The following MDN1 variants were observed in gnomAD, a reference collection of about 807,000 sequenced individuals.
MDN1 encodes midasin AAA ATPase 1.
In MDN1, 266 loss-of-function variants were observed where a neutral mutation model predicts 669.2. That is an observed-to-expected ratio of 0.40 (90% CI 0.36 to 0.44). The LOEUF is 0.44. Among genes scored for constraint, MDN1 ranks in the 20% least tolerant of loss-of-function variants. MDN1 has a pLI of 1.00. For missense variants in MDN1, 5,940 were observed against 6,754.0 expected (o/e 0.88, Z 4.22); for synonymous variants, 2,385 against 2,457.1 (o/e 0.97, Z 0.87).
At chr6:89,679,910 C>G (rs1296173774) in intron 74 of MDN1, among the ~76,000 whole-genome samples, 1 of 152,188 alleles carries the variant, frequency 6.6e-6, no homozygotes, top group Admixed American at 6.5e-5. Context: ...CACTCACCCC[C>G]ACCCCTAGGC....
chr6:89,751,578 A>G lies in MDN1; in HGVS notation c.3080T>C (p.Ile1027Thr), dbSNP rs765611664. 1 of 1,613,856 alleles carries G rather than the reference A, an allele frequency of 6.2e-7. No homozygotes were observed. The highest frequency in any genetic ancestry group is 8.5e-7 in the Non-Finnish European group (1 of 1,179,876). ...AAGCCGACCTCCTTTTGGCTCTGGA[A>G]TAGGCTGAAAGACACAGAAGTTCAA... ...GNVKSLLKQP[I>T]PEPKGGRLIQ... The change falls in exon 23 of 102, where the codon ATT becomes ACT. Residue 1027 changes from isoleucine (I) to threonine (T), a missense_variant. Physicochemically the swap from Ile to Thr is moderately conservative, Grantham distance 89. Coordinates refer to ENST00000369393, the MANE Select transcript of MDN1 (RefSeq NM_014611.3).
chr6:89,665,668 C>T lies in MDN1; in HGVS notation c.14095-1040G>A, dbSNP rs191287549. On this transcript the variant is annotated intron_variant, in intron 84 of 101. Coordinates refer to ENST00000369393, the MANE Select transcript of MDN1 (RefSeq NM_014611.3). ...GTTGTGGCAAGCTGAGATCATACTA[C>T]TGCGCTCTAGCCTGGGTGACAGAGC... 1.8e-3 allele frequency among the ~76,000 whole-genome samples: 247 copies of T among 140,666 alleles called. 1 individual carries two copies. The highest frequency in any genetic ancestry group is 6.0e-3 in the African/African-American group (228 of 37,746). 92.3% of individuals were successfully genotyped at this position (140,666 alleles called of 152,430 possible).
At position 89,723,033 on chromosome 6, in the gene MDN1, G is replaced by A. The variant is rs745487254; in HGVS notation, c.5889C>T (p.Ser1963=). 3.6e-5 allele frequency: 58 copies of A among 1,613,778 alleles called. No individual in the cohort carries two copies. Among genetic ancestry groups the A allele is most frequent in the Non-Finnish European group, 4.7e-5 (55 of 1,179,938 alleles). ...GCTGACCAGGATCATAACACCCAGG[G>A]GACTGGTCAACCAGCATCAACTGAC... ...RWCQLMLVDQ[S]PGCYDPGQHV... The change falls in exon 40 of 102, where the codon TCC becomes TCT. Residue 1963 remains serine (S), a synonymous_variant. Transcript: ENST00000369393.
chr6:89,694,062 CTGCTG>C lies in MDN1; in HGVS notation c.9881+7_9881+11del. On this transcript the variant is annotated splice_region_variant and intron_variant, in intron 62 of 101. Transcript: ENST00000369393. ...ATAATCCCCAAAACAAATAATCACT[CTGCTG>C]TGTTACCTGACGTGAGGATGAGAGT... 1 of 1,603,674 alleles carries C rather than the reference CTGCTG, an allele frequency of 6.2e-7. No homozygotes were observed.
chr6:89,745,199 G>T (rs1444458204), intron 29 of MDN1, 74 bp downstream of exon 29: 5 of 1,268,030 alleles, frequency 3.9e-6, no homozygotes, highest in Non-Finnish European at 5.4e-6. Context: ...ACTTTCATGA[G>T]TTCTTCAGTG....
chr6:89,674,341 G>C lies in MDN1; in HGVS notation c.13010C>G (p.Pro4337Arg). 1 of 1,614,240 alleles carries C rather than the reference G, an allele frequency of 6.2e-7. No homozygotes were observed. Among genetic ancestry groups the C allele is most frequent in the Non-Finnish European group, 8.5e-7 (1 of 1,180,046 alleles). ...ACAAAGTTGTCCCTTGCTAAGTTCTGGTCCTTCCAGGCAGGGGCCAGGAGG... is the reference window on the plus strand; with the variant it reads ...ACAAAGTTGTCCCTTGCTAAGTTCTCGTCCTTCCAGGCAGGGGCCAGGAGG... ...GQPPGPCLEG[P>R]ELSKGQLCGV... is the part of the protein sequence containing the mutation. Residue 4337 changes from proline to arginine, a missense_variant, in exon 79 of 102, where the codon CCA becomes CGA. Around this residue, in one of 5 missense-constraint regions of MDN1, gnomAD observed 2,280 missense variants for 2,576.3 expected, o/e 0.88. Coordinates refer to ENST00000369393, the MANE Select transcript of MDN1 (RefSeq NM_014611.3).
intron 15 of MDN1, among the ~76,000 whole-genome samples, chr6:89,767,561 C>T (rs955900173): frequency 2.0e-5 from 3 of 151,880 alleles, no homozygotes; most frequent in African/African-American, 7.3e-5. Context: ...AGTTCGAGAC[C>T]AGCCTGACCA....
At chr6:89,810,107 T>C (rs1768308395) in intron 1 of MDN1, among the ~76,000 whole-genome samples, 1 of 151,176 alleles carries the variant, frequency 6.6e-6, no homozygotes, top group South Asian at 2.1e-4. Context: ...ATTAATTTCC[T>C]GGAGCTGTCA....
At chr6:89,682,748 T>C (rs79769638) in intron 73 of MDN1, among the ~76,000 whole-genome samples, 3,651 of 95,592 alleles carry the variant, frequency 0.038, 96 homozygotes, top group South Asian at 0.13. Context: ...AAGACCAGCC[T>C]GGGCAACAAA....
At chr6:89,750,802 C>T (rs1348151042) in intron 23 of MDN1, among the ~76,000 whole-genome samples, 3 of 151,912 alleles carry the variant, frequency 2.0e-5, no homozygotes, top group Non-Finnish European at 4.4e-5. Flanking sequence ...AGAGTCTTGC[C>T]GTGTTGCCCA....
Position 89,688,113 on chromosome 6 carries a change from G to A in MDN1, c.11320C>T (p.Leu3774=), listed in dbSNP as rs766651373. The A allele has an allele frequency of 3.1e-6, 5 of 1,614,130 alleles. No individual in the cohort carries two copies. In the South Asian group the frequency reaches 5.5e-5, roughly 18 times the overall value. Residue 3774 remains leucine (L), a synonymous_variant, in exon 67 of 102, where the codon CTG becomes TTG. Coordinates refer to ENST00000369393, the MANE Select transcript of MDN1 (RefSeq NM_014611.3). ...FPLSSPISKF[L]NGLEILLAKA... is the part of the protein sequence containing the mutation. ...GCCAGAAGGATCTCTAAGCCATTCA[G>A]GAACTTTGAGATGGGACTGGAAAGT...
chr6:89,732,521 G>C (rs375314093), intron 34 of MDN1, 36 bp downstream of exon 34: 7 of 1,589,146 alleles, frequency 4.4e-6, no homozygotes, highest in South Asian at 1.1e-5. Context: ...CCCTCTATAC[G>C]AGCCCCTTGT....
rs533952944 is a variant in MDN1, at chr6:89,765,016, G to T, written c.2145-2486C>A. Among the ~76,000 whole-genome samples, 3 of 152,264 alleles carry T rather than the reference G, an allele frequency of 2.0e-5. No homozygotes were observed. The South Asian group carries it at 6.2e-4, about 32-fold the overall frequency. The stretch of plus-strand genomic sequence containing the variant: ...GCTCACGCGGTGGCCCAGCACTTTG[G>T]GAGGCAGAGGTGGGCGGATCACGAG... On this transcript the variant is annotated intron_variant, in intron 15 of 101. Transcript: ENST00000369393.
At position 89,688,646 on chromosome 6, in the gene MDN1, G is replaced by A. The variant is rs374525512; in HGVS notation, c.11186C>T (p.Pro3729Leu). ...PNVPEARQCQ[P>L]VLQGFSEAVS... The stretch of plus-strand genomic sequence containing the variant: ...AGCCTCTGAGAAACCTTGAAGCACA[G>A]GTTGACACTGCCGTGCTTCTGGAAC... Residue 3729 changes from proline to leucine, a missense_variant, in exon 66 of 102, where the codon CCT (proline) becomes CTT (leucine). Coordinates refer to ENST00000369393, the MANE Select transcript of MDN1 (RefSeq NM_014611.3). The A allele has an allele frequency of 6.2e-6, 10 of 1,614,042 alleles. 1 individual carries two copies. Among genetic ancestry groups the A allele is most frequent in the South Asian group, 3.3e-5 (3 of 91,086 alleles).
chr6:89,658,088 C>G (rs1235982168), intron 90 of MDN1, 121 bp downstream of exon 90: 2 of 1,246,838 alleles, frequency 1.6e-6, no homozygotes, highest in Non-Finnish European at 2.2e-6. Context: ...ATGTCAACAA[C>G]AAAACAAACA....
intron 17 of MDN1, among the ~76,000 whole-genome samples, chr6:89,759,340 G>C (rs2128320350): frequency 6.6e-6 from 1 of 152,314 alleles, no homozygotes; most frequent in South Asian, 2.1e-4. Context: ...AGAGTGTTTA[G>C]TGATTGTCAT....
intron 61 of MDN1, among the ~76,000 whole-genome samples, chr6:89,694,554 T>G (rs1037239602): frequency 6.6e-6 from 1 of 152,174 alleles, no homozygotes; most frequent in African/African-American, 2.4e-5. Flanking sequence ...TCAACTTGAC[T>G]CTTTTTTAAG....
At chr6:89,728,895 A>C in intron 36 of MDN1, 36 bp downstream of exon 36, 1 of 1,573,166 alleles carries the variant, frequency 6.4e-7, no homozygotes, top group Non-Finnish European at 8.7e-7. Context: ...TACTATCTAT[A>C]GCTATCTCCA....
rs751245265 is a variant in MDN1, at chr6:89,723,634, A to T, written c.5671-15T>A. On this transcript the variant is annotated splice_polypyrimidine_tract_variant and intron_variant, in intron 38 of 101. Transcript: ENST00000369393. ...TCAACGAAGACCTAGAAATCCAAAA[A>T]TAATATGAAGAAATGCCTTTGTTTC... 16 of 1,441,240 alleles carry T rather than the reference A, an allele frequency of 1.1e-5. No individual in the cohort carries two copies. In the African/African-American group the frequency reaches 1.2e-4, roughly 10 times the overall value. The allele number at this position is 1,441,240 out of a possible 1,614,324, so 89.3% of individuals were successfully genotyped here.
Sources: gnomAD v4.1 joint callset for allele counts (sites outside exome capture counted in the v4.1 genomes callset) on GRCh38, gnomAD v4.1.1 for gene constraint, gnomAD v4.1.1 regional missense constraint, MANE v1.5 for transcripts, NCBI Gene and HGNC (gene_info 2026-07-23, HGNC 2026-07-21) for gene names.